The following ZC3H11A variants were observed in gnomAD, a reference collection of about 807,000 sequenced individuals.
The protein encoded by ZC3H11A is zinc finger CCCH-type containing 11A.
In ZC3H11A, 22 loss-of-function variants were observed where a neutral mutation model predicts 90.8. The ratio of observed to expected loss-of-function variants is 0.24; its 90% CI spans 0.17 to 0.35. The LOEUF is 0.35. Among genes scored for constraint, ZC3H11A ranks in the 10% least tolerant of loss-of-function variants. The pLI, the probability that ZC3H11A is intolerant of heterozygous loss-of-function variation, is 1.00. For synonymous variants in ZC3H11A, 294 were observed against 339.8 expected, an observed-to-expected ratio of 0.87 and a Z score of 1.48; for missense variants, 701 against 964.9, an observed-to-expected ratio of 0.73 and a Z score of 3.62.
Position 203,852,247 on chromosome 1 carries a change from T to C in ZC3H11A, c.2281T>C (p.Ser761Pro). The C allele has an allele frequency of 6.2e-7, 1 of 1,613,600 alleles. No individual in the cohort carries two copies. Among genetic ancestry groups the C allele is most frequent in the East Asian group, 2.2e-5 (1 of 44,846 alleles). ...SMKTRRLSSA[S>P]TGKPPLSVED... The stretch of plus-strand genomic sequence containing the variant: ...GAAAACTCGCCGACTCAGCTCTGCC[T>C]CAACAGGAAAGCCCCCACTCTCTGT... Residue 761 changes from serine (S) to proline (P), a missense_variant, in exon 18 of 18, where the codon TCA becomes CCA. Coordinates refer to ENST00000367210, the MANE Select transcript of ZC3H11A (RefSeq NM_001376342.1).
At chr1:203,812,322 G>T (rs1674756296) in intron 2 of ZC3H11A, among the ~76,000 whole-genome samples, 1 of 152,074 alleles carries the variant, frequency 6.6e-6, no homozygotes, top group Admixed American at 6.6e-5. Flanking sequence ...TCCCCTCTAT[G>T]TGTCCAAGTG....
chr1:203,798,749 CAT>C (rs1491012804), intron 1 of ZC3H11A: 2 of 1,536,154 alleles, frequency 1.3e-6, no homozygotes, highest in Non-Finnish European at 1.7e-6. Context: ...TCTCAAGTCA[CAT>C]AAGTCAGGCA....
intron 1 of ZC3H11A, chr1:203,796,403 T>G (rs1668516931): frequency 3.5e-5 from 14 of 398,936 alleles, no homozygotes; most frequent in Non-Finnish European, 4.0e-5. Flanking sequence ...CCCCTGGCCC[T>G]CAGCGTCGGA....
Position 203,850,689 on chromosome 1 carries a change from G to A in ZC3H11A, c.2106+8G>A, listed in dbSNP as rs774784907. 3 of 1,612,660 alleles carry A rather than the reference G, an allele frequency of 1.9e-6. No individual in the cohort carries two copies. In the Admixed American group the frequency reaches 5.0e-5, roughly 27 times the overall value. On this transcript the variant is annotated splice_region_variant and intron_variant, in intron 16 of 17. Coordinates refer to ENST00000367210, the MANE Select transcript of ZC3H11A (RefSeq NM_001376342.1). The stretch of plus-strand genomic sequence containing the variant: ...GCCAAAAAGGCAGCTGTGGTAAGAA[G>A]TATATTCACTTTGTGGTGCTTTATT...
At chr1:203,798,041 A>T in intron 1 of ZC3H11A, 1 of 1,535,330 alleles carries the variant, frequency 6.5e-7, no homozygotes. Flanking sequence ...CTACTCTTCA[A>T]CGACATCTGC....
intron 11 of ZC3H11A, among the ~76,000 whole-genome samples, chr1:203,838,352 AAC>A (rs1685018344): frequency 6.6e-6 from 1 of 152,250 alleles, no homozygotes; most frequent in South Asian, 2.1e-4. Context: ...GTGTTATGGT[AAC>A]ACATAGGAGA....
At chr1:203,835,865 C>A in intron 10 of ZC3H11A, 1 of 243,308 alleles carries the variant, frequency 4.1e-6, no homozygotes, top group East Asian at 1.0e-4. Flanking sequence ...TCCGGAGACC[C>A]CACTTATAGC....
At chr1:203,798,686 A>G in intron 1 of ZC3H11A, 2 of 1,536,166 alleles carry the variant, frequency 1.3e-6, no homozygotes, top group Middle Eastern at 1.7e-4. Context: ...TTGCAGAGCA[A>G]GGCACTCTGA....
intron 1 of ZC3H11A, chr1:203,798,784 A>G (rs1447265830): frequency 3.9e-6 from 6 of 1,536,028 alleles, no homozygotes; most frequent in Non-Finnish European, 4.4e-6. Flanking sequence ...ATTGTGGAGG[A>G]TATGCATCCT....
At chr1:203,825,024 A>C (rs12065846) in intron 4 of ZC3H11A, among the ~76,000 whole-genome samples, 19,448 of 149,188 alleles carry the variant, frequency 0.13, 1,438 homozygotes, top group Non-Finnish European at 0.15. Context: ...TTTCAGTGAG[A>C]CAAGATTGTG....
intron 10 of ZC3H11A, among the ~76,000 whole-genome samples, chr1:203,835,407 A>G (rs766132778): frequency 2.2e-4 from 34 of 152,238 alleles, no homozygotes; most frequent in Non-Finnish European, 4.3e-4. Flanking sequence ...CACGTTATAC[A>G]GTCATTTACG....
intron 12 of ZC3H11A, among the ~76,000 whole-genome samples, chr1:203,846,515 C>G (rs548566610): frequency 6.6e-6 from 1 of 152,170 alleles, no homozygotes; most frequent in East Asian, 1.9e-4. Flanking sequence ...AGCATTATAC[C>G]TACCTTATCA....
intron 2 of ZC3H11A, among the ~76,000 whole-genome samples, chr1:203,810,659 T>A (rs1245031321): frequency 6.6e-6 from 1 of 152,046 alleles, no homozygotes; most frequent in Non-Finnish European, 1.5e-5. Flanking sequence ...GACCTCGTGA[T>A]CCACCCGCCT....
intron 12 of ZC3H11A, among the ~76,000 whole-genome samples, chr1:203,844,561 G>T (rs1231723556): frequency 6.6e-6 from 1 of 151,940 alleles, no homozygotes; most frequent in Non-Finnish European, 1.5e-5. Flanking sequence ...ATTTATTTTG[G>T]TTTATCTTAA....
chr1:203,825,137 A>G (rs932359701), intron 4 of ZC3H11A, among the ~76,000 whole-genome samples: 1 of 151,926 alleles, frequency 6.6e-6, no homozygotes, highest in African/African-American at 2.4e-5. Flanking sequence ...TGTGAGTTAC[A>G]GTGCTATTTG....
At chr1:203,831,049 A>G (rs1306458289) in intron 8 of ZC3H11A, among the ~76,000 whole-genome samples, 1 of 139,194 alleles carries the variant, frequency 7.2e-6, no homozygotes, top group African/African-American at 2.7e-5. Context: ...AGTTCAAGCT[A>G]TTCTGCTGCC....
At chr1:203,835,605 A>G (rs1474690563) in intron 10 of ZC3H11A, 1 of 186,414 alleles carries the variant, frequency 5.4e-6, no homozygotes, top group East Asian at 1.3e-4. Context: ...GTACAGCGTC[A>G]CTCAGATTCT....
rs896189686 is a variant in ZC3H11A, at chr1:203,845,591, G to A, written c.1043-1593G>A. 4.6e-5 allele frequency among the ~76,000 whole-genome samples: 7 copies of A among 152,212 alleles called. No individual in the cohort carries two copies. The East Asian group carries it at 5.8e-4, about 13-fold the overall frequency. ...TCAGTTGAAACTAACCAGGCCTGGC[G>A]TGGTGGCTCACGCCTGTAATCCCAG... is the stretch of plus-strand genomic sequence containing the variant. On this transcript the variant is annotated intron_variant, in intron 12 of 17. Coordinates refer to ENST00000367210, the MANE Select transcript of ZC3H11A (RefSeq NM_001376342.1).
intron 9 of ZC3H11A, among the ~76,000 whole-genome samples, 155 bp from the exon 10 acceptor site, chr1:203,833,636 T>TTTTTTTTG (rs59117283): frequency 2.2e-5 from 3 of 134,350 alleles, no homozygotes; most frequent in Non-Finnish European, 4.9e-5. Flanking sequence ...TTTTTTTTTT[T>TTTTTTTTG]GATATAATGG....
Sources: gnomAD v4.1 joint callset for allele counts (sites outside exome capture counted in the v4.1 genomes callset) on GRCh38, gnomAD v4.1.1 for gene constraint, MANE v1.5 for transcripts, NCBI Gene and HGNC (gene_info 2026-07-23, HGNC 2026-07-21) for gene names.